Variants in IMMP2L observed in about 807,000 individuals in gnomAD.
The protein encoded by IMMP2L is mitochondrial inner membrane protease subunit 2.
In IMMP2L, 18 loss-of-function variants were observed where a neutral mutation model predicts 19.3. The ratio of observed to expected loss-of-function variants is 0.93; its 90% CI spans 0.64 to 1.38. IMMP2L has a LOEUF of 1.38. Among genes scored for constraint, IMMP2L ranks in the 40% most tolerant of loss-of-function variants. The probability of loss-of-function intolerance (pLI) is 0.00; values close to 1 mark genes in which losing one functional copy is unlikely to be tolerated. For synonymous variants in IMMP2L, 76 were observed against 73.0 expected (o/e 1.04, Z -0.21); for missense variants, 233 against 218.2 (o/e 1.07, Z -0.43).
intron 3 of IMMP2L, among the ~76,000 whole-genome samples, chr7:111,287,762 A>T (rs1820655489): frequency 2.0e-5 from 3 of 152,142 alleles, no homozygotes; most frequent in Admixed American, 1.3e-4. Context: ...GAGAACTAGA[A>T]ATGTAAAGCC....
chr7:110,871,516 A>G (rs1039345896), intron 5 of IMMP2L, among the ~76,000 whole-genome samples: 10 of 152,196 alleles, frequency 6.6e-5, no homozygotes, highest in African/African-American at 2.4e-4. Flanking sequence ...GTGGCCAACC[A>G]TATCAAATAC....
At chr7:111,526,554 T>A (rs1846879212) in intron 1 of IMMP2L, among the ~76,000 whole-genome samples, 1 of 152,184 alleles carries the variant, frequency 6.6e-6, no homozygotes, top group South Asian at 2.1e-4. Flanking sequence ...TGTTAATTTC[T>A]ATCCCATCAC....
At chr7:111,218,647 T>A (rs1040463684) in intron 3 of IMMP2L, among the ~76,000 whole-genome samples, 1 of 152,034 alleles carries the variant, frequency 6.6e-6, no homozygotes. Flanking sequence ...AGAACTCCAA[T>A]TAACCTAGTT....
intron 5 of IMMP2L, among the ~76,000 whole-genome samples, chr7:110,759,631 A>G (rs7782454): frequency 0.33 from 50,179 of 151,970 alleles, 10,187 homozygotes; most frequent in East Asian, 0.7. Flanking sequence ...AATATTAAAA[A>G]CAGATTTTGG....
At chr7:111,462,307 A>C (rs1840205252) in intron 3 of IMMP2L, among the ~76,000 whole-genome samples, 1 of 152,048 alleles carries the variant, frequency 6.6e-6, no homozygotes, top group Non-Finnish European at 1.5e-5. Context: ...CACCTGAATA[A>C]GATTATTTTT....
At chr7:111,227,441 C>T (rs1051218828) in intron 3 of IMMP2L, among the ~76,000 whole-genome samples, 1 of 152,052 alleles carries the variant, frequency 6.6e-6, no homozygotes, top group South Asian at 2.1e-4. Context: ...TTTTAAGCTT[C>T]GACTATAAGG....
chr7:111,295,369 T>C (rs891992270), intron 3 of IMMP2L, among the ~76,000 whole-genome samples: 1 of 151,914 alleles, frequency 6.6e-6, no homozygotes, highest in African/African-American at 2.4e-5. Context: ...AAAACACATA[T>C]GACAAAGCTT....
chr7:111,100,353 C>T (rs1797839538), intron 3 of IMMP2L, among the ~76,000 whole-genome samples: 1 of 149,988 alleles, frequency 6.7e-6, no homozygotes, highest in East Asian at 1.9e-4. Context: ...GCTCTTTCTA[C>T]AGTTTTAAAC....
chr7:111,251,133 T>C (rs937994742), intron 3 of IMMP2L, among the ~76,000 whole-genome samples: 19 of 152,078 alleles, frequency 1.2e-4, no homozygotes, highest in African/African-American at 2.7e-4. Context: ...ATAGAGCCAG[T>C]AAACATATGA....
intron 3 of IMMP2L, among the ~76,000 whole-genome samples, chr7:111,315,703 C>T (rs1404003710): frequency 6.7e-6 from 1 of 149,668 alleles, no homozygotes; most frequent in Non-Finnish European, 1.5e-5. Context: ...GCAAACAACA[C>T]ACAAGGAAAC....
chr7:111,468,703 A>T (rs992824992), intron 3 of IMMP2L, among the ~76,000 whole-genome samples: 1 of 152,184 alleles, frequency 6.6e-6, no homozygotes, highest in Non-Finnish European at 1.5e-5. Flanking sequence ...AACATATCAT[A>T]GTCAAAGAAG....
chr7:110,936,436 A>C (rs1427850044), intron 4 of IMMP2L, among the ~76,000 whole-genome samples: 2 of 152,238 alleles, frequency 1.3e-5, no homozygotes, highest in Non-Finnish European at 2.9e-5. Context: ...GTGGCCAACA[A>C]ACACATGGAA....
intron 5 of IMMP2L, among the ~76,000 whole-genome samples, chr7:110,865,895 G>C (rs1479698934): frequency 6.6e-6 from 1 of 151,466 alleles, no homozygotes; most frequent in East Asian, 1.9e-4. Context: ...CTTAAGTATA[G>C]GCTAAAAATT....
intron 3 of IMMP2L, among the ~76,000 whole-genome samples, chr7:111,202,920 G>A (rs933507230): frequency 6.6e-6 from 1 of 152,114 alleles, no homozygotes; most frequent in Non-Finnish European, 1.5e-5. Flanking sequence ...CCACCATATT[G>A]AGAGACCAAG....
chr7:110,761,768 T>A (rs866082495), intron 5 of IMMP2L, among the ~76,000 whole-genome samples: 2 of 152,208 alleles, frequency 1.3e-5, no homozygotes, highest in South Asian at 4.1e-4. Flanking sequence ...AACAAACACT[T>A]AGCTGTTAAT....
intron 3 of IMMP2L, among the ~76,000 whole-genome samples, chr7:111,053,723 A>C (rs1793226155): frequency 1.3e-5 from 2 of 152,168 alleles, no homozygotes; most frequent in Non-Finnish European, 2.9e-5. Flanking sequence ...TAGAGCAAGA[A>C]ATCCAAGAAA....
intron 3 of IMMP2L, among the ~76,000 whole-genome samples, chr7:111,021,578 C>T (rs904092283): frequency 2.0e-5 from 3 of 152,144 alleles, no homozygotes; most frequent in East Asian, 1.9e-4. Flanking sequence ...CAGGGGAACA[C>T]CTCTTTATAA....
chr7:110,856,698 T>C (rs189375463), intron 5 of IMMP2L, among the ~76,000 whole-genome samples: 54 of 152,218 alleles, frequency 3.5e-4, no homozygotes, highest in Admixed American at 3.1e-3. Context: ...CCAATAGTTA[T>C]ATTTAATGAA....
intron 3 of IMMP2L, among the ~76,000 whole-genome samples, chr7:111,231,030 G>A (rs1247626318): frequency 6.7e-6 from 1 of 149,530 alleles, no homozygotes; most frequent in African/African-American, 2.5e-5. Context: ...GTGGCTGTGT[G>A]TGTGTGTGTG....
Sources: gnomAD v4.1 joint callset for allele counts (sites outside exome capture counted in the v4.1 genomes callset) on GRCh38, gnomAD v4.1.1 for gene constraint, MANE v1.5 for transcripts, NCBI Gene and HGNC (gene_info 2026-07-23, HGNC 2026-07-21) for gene names.